The following ALDH7A1 variants were observed in gnomAD, a reference collection of about 807,000 sequenced individuals.
ALDH7A1 encodes the protein aldehyde dehydrogenase 7 family member A1.
In ALDH7A1, 63 loss-of-function variants were observed where a neutral mutation model predicts 79.9. That is an observed-to-expected ratio of 0.79 (90% CI 0.64 to 0.97). ALDH7A1 has a LOEUF of 0.97. Among genes scored for constraint, ALDH7A1 ranks in the 50% least tolerant of loss-of-function variants. The pLI, the probability that ALDH7A1 is intolerant of heterozygous loss-of-function variation, is 0.00. For missense variants in ALDH7A1, 627 were observed against 665.2 expected (o/e 0.94, Z 0.63); for synonymous variants, 240 against 231.2 (o/e 1.04, Z -0.34).
At chr5:126,552,575 T>G (rs1750038053) in intron 13 of ALDH7A1, among the ~76,000 whole-genome samples, 1 of 151,432 alleles carries the variant, frequency 6.6e-6, no homozygotes, top group Non-Finnish European at 1.5e-5. Context: ...TTTTGTATTT[T>G]TAGTAGAGAC....
At chr5:126,572,947 C>T (rs935060304) in intron 7 of ALDH7A1, among the ~76,000 whole-genome samples, 10 of 152,104 alleles carry the variant, frequency 6.6e-5, no homozygotes, top group Admixed American at 2.0e-4. Flanking sequence ...GTTGAATTTA[C>T]GAAGACCTCT....
chr5:126,559,144 G>A, intron 11 of ALDH7A1, 96 bp downstream of exon 11: 1 of 985,330 alleles, frequency 1.0e-6, no homozygotes. Context: ...AGAGCATGTT[G>A]TTCTAGCAGT....
At position 126,552,001 on chromosome 5, in the gene ALDH7A1, C is replaced by G. The variant is rs17597559; in HGVS notation, c.1317+20G>C. ...ATCATTTATTTCAACATCAGGCTAG[C>G]GAACAGAATGCATTTTTACCTTGAA... On this transcript the variant is annotated intron_variant, in intron 14 of 17. Coordinates refer to ENST00000409134, the MANE Select transcript of ALDH7A1 (RefSeq NM_001182.5). The G allele has an allele frequency of 1.3e-4, 195 of 1,549,630 alleles. No individual in the cohort carries two copies. Among genetic ancestry groups the G allele is most frequent in the Non-Finnish European group, 1.6e-4 (185 of 1,122,738 alleles).
chr5:126,572,612 G>C (rs541933483), intron 7 of ALDH7A1, among the ~76,000 whole-genome samples: 1 of 152,170 alleles, frequency 6.6e-6, no homozygotes, highest in East Asian at 1.9e-4. Context: ...GAGTATCTAT[G>C]AGCTATTAAT....
intron 13 of ALDH7A1, 37 bp from the exon 14 acceptor site, chr5:126,552,174 T>C (rs750982039): frequency 1.9e-6 from 3 of 1,560,752 alleles, no homozygotes; most frequent in Non-Finnish European, 2.6e-6. Context: ...AATGAAAGCA[T>C]TTTGTTTTCT....
chr5:126,554,492 A>C, intron 12 of ALDH7A1, 99 bp from the exon 13 acceptor site: 2 of 888,232 alleles, frequency 2.3e-6, no homozygotes, highest in Non-Finnish European at 3.8e-6. Context: ...ATCCCTTCCT[A>C]TATGCTCTCA....
At chr5:126,547,399 G>A (rs1340644432) in intron 16 of ALDH7A1, among the ~76,000 whole-genome samples, 5 of 152,184 alleles carry the variant, frequency 3.3e-5, no homozygotes, top group African/African-American at 7.2e-5. Context: ...ATCCAGCTAC[G>A]CACATGCTGG....
intron 5 of ALDH7A1, chr5:126,582,015 T>C (rs1751193348): frequency 2.5e-6 from 1 of 397,262 alleles, no homozygotes; most frequent in Middle Eastern, 6.3e-4. Context: ...CATATTTGGC[T>C]GTACGTGCTC....
chr5:126,565,180 G>C (rs894532754), intron 9 of ALDH7A1, among the ~76,000 whole-genome samples: 2 of 151,970 alleles, frequency 1.3e-5, no homozygotes, highest in African/African-American at 4.8e-5. Context: ...GGATCACAAG[G>C]TCTGGAGTTT....
chr5:126,579,503 C>A (rs1413788009), intron 5 of ALDH7A1, among the ~76,000 whole-genome samples: 1 of 152,118 alleles, frequency 6.6e-6, no homozygotes, highest in Non-Finnish European at 1.5e-5. Flanking sequence ...AATTTATAAG[C>A]TTATAAATCC....
chr5:126,546,577 C>G (rs1418114514), intron 16 of ALDH7A1, among the ~76,000 whole-genome samples, 178 bp from the exon 17 acceptor site: 1 of 141,470 alleles, frequency 7.1e-6, no homozygotes, highest in African/African-American at 2.7e-5. Flanking sequence ...GAGACCAAAA[C>G]AAACAGAAAA....
At chr5:126,584,050 C>T (rs944388684) in intron 3 of ALDH7A1, 38 bp from the exon 4 acceptor site, 2 of 1,517,534 alleles carry the variant, frequency 1.3e-6, no homozygotes, top group South Asian at 1.1e-5. Context: ...TGATTCAAAG[C>T]ATAAATTCAT....
Position 126,582,978 on chromosome 5 carries a change from G to A in ALDH7A1, c.394-4C>T. On this transcript the variant is annotated splice_polypyrimidine_tract_variant and splice_region_variant and intron_variant, in intron 4 of 17. Coordinates refer to ENST00000409134, the MANE Select transcript of ALDH7A1 (RefSeq NM_001182.5). ...TTTTCCCCATCTCCAAAGACACCTA[G>A]AAATATAAAACGACAAGCAGAATTT... is the stretch of plus-strand genomic sequence containing the variant. 1.9e-6 allele frequency: 3 copies of A among 1,613,580 alleles called. No individual in the cohort carries two copies. Among genetic ancestry groups the A allele is most frequent in the Non-Finnish European group, 2.5e-6 (3 of 1,179,808 alleles).
At chr5:126,591,414 G>C (rs1751549863) in intron 3 of ALDH7A1, among the ~76,000 whole-genome samples, 1 of 150,224 alleles carries the variant, frequency 6.7e-6, no homozygotes, top group Admixed American at 6.6e-5. Context: ...ATCCAACCCA[G>C]GGCTCTGTTG....
At chr5:126,586,614 G>C (rs1260691865) in intron 3 of ALDH7A1, 1 of 152,246 alleles carries the variant, frequency 6.6e-6, no homozygotes, top group Non-Finnish European at 1.5e-5. Context: ...GCCATGAAAG[G>C]GGAGCTAGAT....
rs1183583668 is a variant in ALDH7A1 at position 126,543,489 on chromosome 5, C to T, written c.*1476G>A. The T allele has an allele frequency of 6.6e-6, 1 of 152,280 alleles. No homozygotes were observed. The highest frequency in any genetic ancestry group is 2.1e-4 in the South Asian group (1 of 4,824). 9.4% of individuals were successfully genotyped at this position (152,280 alleles called of 1,614,324 possible). A position where few individuals can be genotyped will look rare whatever the true frequency, so the allele number is the denominator to read the frequency against. On this transcript the variant is annotated 3_prime_UTR_variant, in exon 18 of 18. Transcript: ENST00000409134. ...ACAGCATGTCTAGTTAAATACTGCT[C>T]GCAGCTGGCCATGGGACATATTATG...
intron 17 of ALDH7A1, 124 bp from the exon 18 acceptor site, chr5:126,545,143 T>G: frequency 2.7e-6 from 2 of 730,046 alleles, no homozygotes; most frequent in Non-Finnish European, 4.8e-6. Flanking sequence ...TACAACTTTT[T>G]AAGACAAACC....
intron 9 of ALDH7A1, chr5:126,564,499 CT>C: frequency 8.1e-7 from 1 of 1,240,840 alleles, no homozygotes; most frequent in East Asian, 3.2e-5. Flanking sequence ...CTTAAGTGCA[CT>C]TTAAAATCAG....
rs181028716 is a variant in ALDH7A1, at chr5:126,542,201, T to C, written c.*2764A>G. ...AGACCATAGGAATTTCATAAAAATA[T>C]TGAAACTGAAAACACTTAAAAAGCA... On this transcript the variant is annotated 3_prime_UTR_variant, in exon 18 of 18. Transcript: ENST00000409134. The C allele has an allele frequency of 2.7e-5, 4 of 148,856 alleles. No individual in the cohort carries two copies. The highest frequency in any genetic ancestry group is 2.0e-4 in the Admixed American group (3 of 14,960). 9.2% of individuals were successfully genotyped at this position (148,856 alleles called of 1,614,324 possible).
Sources: allele counts gnomAD v4.1 joint callset (sites outside exome capture counted in the v4.1 genomes callset), GRCh38; gene constraint gnomAD v4.1.1; transcripts MANE v1.5; gene names NCBI Gene and HGNC (gene_info 2026-07-23, HGNC 2026-07-21).